Variants in CNNM2 observed in about 807,000 individuals in gnomAD.
CNNM2 encodes the protein metal transporter CNNM2.
In CNNM2, 12 loss-of-function variants were observed where a neutral mutation model predicts 66.9. That is an observed-to-expected ratio of 0.18 (90% CI 0.11 to 0.29). CNNM2 has a LOEUF of 0.29. CNNM2 is among the 10% of genes least tolerant of loss of function. CNNM2 has a pLI of 1.00. For synonymous variants in CNNM2, 557 were observed against 501.8 expected, an observed-to-expected ratio of 1.11 and a Z score of -1.47; for missense variants, 705 against 1,167.7, an observed-to-expected ratio of 0.60 and a Z score of 5.77.
chr10:103,044,362 C>T (rs1347995903), intron 1 of CNNM2, among the ~76,000 whole-genome samples: 1 of 151,952 alleles, frequency 6.6e-6, no homozygotes. Context: ...TCCAGACCAG[C>T]CTGAGCAATA....
At chr10:102,944,950 G>A (rs887984833) in intron 1 of CNNM2, among the ~76,000 whole-genome samples, 3 of 150,268 alleles carry the variant, frequency 2.0e-5, no homozygotes, top group Admixed American at 1.3e-4. Context: ...ATTAGAAGCA[G>A]GGTTAAATAT....
At position 103,039,337 on chromosome 10, in the gene CNNM2, C is replaced by T. The variant is rs2064998880; in HGVS notation, c.1622-10370C>T. ...TTTTTAGTAGAGACGGGGTTTTGCCCTGTTGGCCAAGTTGGTCTCGAACTC... is the reference window on the plus strand; with the variant it reads ...TTTTTAGTAGAGACGGGGTTTTGCCTTGTTGGCCAAGTTGGTCTCGAACTC... On this transcript the variant is annotated intron_variant, in intron 1 of 7. Coordinates refer to ENST00000369878, the MANE Select transcript of CNNM2 (RefSeq NM_017649.5). Among the ~76,000 whole-genome samples the T allele has an allele frequency of 3.3e-5, 5 of 152,124 alleles. No homozygotes were observed. In the South Asian group the frequency reaches 1.0e-3, roughly 32 times the overall value.
intron 1 of CNNM2, among the ~76,000 whole-genome samples, chr10:102,985,203 C>CT (rs961265653): frequency 3.9e-5 from 6 of 151,904 alleles, no homozygotes; most frequent in East Asian, 1.9e-4. Context: ...ATTGTTTTAT[C>CT]TTTTTTTTCT....
intron 1 of CNNM2, among the ~76,000 whole-genome samples, chr10:103,046,803 G>T (rs1343769936): frequency 6.6e-6 from 1 of 152,176 alleles, no homozygotes; most frequent in East Asian, 1.9e-4. Flanking sequence ...CCTCACACAG[G>T]TATGTATTTG....
Position 103,078,520 on chromosome 10 carries a change from T to C in CNNM2, c.*1340T>C, listed in dbSNP as rs1333631889. On this transcript the variant is annotated 3_prime_UTR_variant, in exon 8 of 8. Transcript: ENST00000369878. ...GGCCATTTTATGTGTGTCTCCGTCT[T>C]ATTTTAATACCAAATTCATCATGTA... 1 of 152,280 alleles carries C rather than the reference T, an allele frequency of 6.6e-6. No individual in the cohort carries two copies. Among genetic ancestry groups the C allele is most frequent in the Non-Finnish European group, 1.5e-5 (1 of 68,052 alleles). 9.4% of individuals were successfully genotyped at this position (152,280 alleles called of 1,614,324 possible).
intron 1 of CNNM2, among the ~76,000 whole-genome samples, chr10:102,963,224 C>T (rs1314900839): frequency 2.6e-5 from 4 of 152,112 alleles, no homozygotes; most frequent in Non-Finnish European, 5.9e-5. Context: ...TAAGTAGTTC[C>T]AAAAAGAGAA....
intron 1 of CNNM2, among the ~76,000 whole-genome samples, chr10:102,929,035 G>GT (rs1845973860): frequency 6.6e-6 from 1 of 152,126 alleles, no homozygotes; most frequent in Non-Finnish European, 1.5e-5. Context: ...CTAGGTGGGT[G>GT]GATCACTTGA....
intron 1 of CNNM2, among the ~76,000 whole-genome samples, chr10:103,048,319 G>C (rs1318454096): frequency 1.4e-5 from 2 of 144,592 alleles, no homozygotes; most frequent in Non-Finnish European, 3.0e-5. Flanking sequence ...AGATTCAAGT[G>C]ATTCTCCCAC....
At chr10:102,970,541 C>T (rs1223934891) in intron 1 of CNNM2, among the ~76,000 whole-genome samples, 4 of 152,138 alleles carry the variant, frequency 2.6e-5, no homozygotes, top group African/African-American at 9.7e-5. Flanking sequence ...TGGCTCTCAC[C>T]CATTCCAGAT....
intron 1 of CNNM2, among the ~76,000 whole-genome samples, chr10:102,956,275 C>T (rs1590306282): frequency 1.1e-5 from 1 of 89,206 alleles, no homozygotes; most frequent in African/African-American, 4.4e-5. Context: ...GCAATAAGAG[C>T]AAGATTCCAT....
intron 7 of CNNM2, among the ~76,000 whole-genome samples, chr10:103,076,516 A>G (rs984195400): frequency 2.0e-5 from 3 of 152,184 alleles, no homozygotes; most frequent in Non-Finnish European, 4.4e-5. Flanking sequence ...CTTTCAGGGA[A>G]TGGGAGCCAG....
chr10:103,016,124 G>A (rs1396190323), intron 1 of CNNM2, among the ~76,000 whole-genome samples: 2 of 151,494 alleles, frequency 1.3e-5, no homozygotes, highest in African/African-American at 2.4e-5. Flanking sequence ...AGATTCCCAC[G>A]CCCCCAAGCC....
chr10:102,998,066 T>C (rs902723230), intron 1 of CNNM2, among the ~76,000 whole-genome samples: 1 of 152,222 alleles, frequency 6.6e-6, no homozygotes, highest in African/African-American at 2.4e-5. Flanking sequence ...CTGATTAAGT[T>C]AGAGTTAACA....
chr10:103,049,645 A>T, intron 1 of CNNM2, 62 bp from the exon 2 acceptor site: 1 of 1,499,124 alleles, frequency 6.7e-7, no homozygotes, highest in Non-Finnish European at 9.2e-7. Context: ...ACCATATCAC[A>T]TATAACATGT....
chr10:103,045,622 T>C (rs1186395793), intron 1 of CNNM2, among the ~76,000 whole-genome samples: 1 of 150,658 alleles, frequency 6.6e-6, no homozygotes, highest in Non-Finnish European at 1.5e-5. Context: ...AAACACTCTG[T>C]CATTAAACAA....
chr10:103,073,590 G>A (rs928953373), intron 6 of CNNM2, among the ~76,000 whole-genome samples: 24 of 152,166 alleles, frequency 1.6e-4, no homozygotes, highest in Non-Finnish European at 2.4e-4. Flanking sequence ...GGCCGGGCGC[G>A]GTGGCTCACG....
rs368407582 is a variant in CNNM2, at chr10:102,977,488, C to T, written c.1621+57387C>T. On this transcript the variant is annotated intron_variant, in intron 1 of 7. Coordinates refer to ENST00000369878, the MANE Select transcript of CNNM2 (RefSeq NM_017649.5). Reference sequence around the variant, plus strand: ...TTCCCTTATGATTTGAGGACATACTCTAAGGATCCTTAAGTTTCCTTGTGA... The same window carrying T: ...TTCCCTTATGATTTGAGGACATACTTTAAGGATCCTTAAGTTTCCTTGTGA... Among the ~76,000 whole-genome samples the T allele has an allele frequency of 4.6e-5, 7 of 152,278 alleles. No homozygotes were observed. In the East Asian group the frequency reaches 9.6e-4, roughly 21 times the overall value.
chr10:102,951,642 T>A (rs1461464900), intron 1 of CNNM2, among the ~76,000 whole-genome samples: 3 of 146,112 alleles, frequency 2.1e-5, no homozygotes, highest in Non-Finnish European at 4.6e-5. Context: ...TTTTTTTTCT[T>A]TTTTTTTTTT....
chr10:103,006,926 CT>C (rs1486435121), intron 1 of CNNM2, among the ~76,000 whole-genome samples: 4 of 152,238 alleles, frequency 2.6e-5, no homozygotes, highest in Non-Finnish European at 2.9e-5. Context: ...GCCTCCACCC[CT>C]GGCCCATTTA....
Sources: gnomAD v4.1 joint callset for allele counts (sites outside exome capture counted in the v4.1 genomes callset) on GRCh38, gnomAD v4.1.1 for gene constraint, MANE v1.5 for transcripts, NCBI Gene and HGNC (gene_info 2026-07-23, HGNC 2026-07-21) for gene names.